The following MRPS9 variants were observed in gnomAD, a reference collection of about 807,000 sequenced individuals.
The protein encoded by MRPS9 is mitochondrial ribosomal protein S9, also known as small ribosomal subunit protein uS9m.
A neutral mutation model predicts 59.9 loss-of-function variants in MRPS9; 45 were observed. The observed-to-expected ratio is 0.75, with a 90% CI of 0.59 to 0.96. The LOEUF is 0.96. MRPS9 is among the 40% of genes least tolerant of loss of function. The pLI is 0.00. For missense variants in MRPS9, 473 were observed against 481.1 expected, an observed-to-expected ratio of 0.98 and a Z score of 0.16; for synonymous variants, 171 against 166.8, an observed-to-expected ratio of 1.03 and a Z score of -0.19.
At chr2:105,042,024 A>G (rs561874395) in intron 1 of MRPS9, among the ~76,000 whole-genome samples, 3 of 152,340 alleles carry the variant, frequency 2.0e-5, no homozygotes, top group South Asian at 4.1e-4. Context: ...ACAATGCTTC[A>G]TTGTAATTAG....
intron 4 of MRPS9, among the ~76,000 whole-genome samples, chr2:105,075,828 C>A (rs56222940): frequency 0.22 from 32,912 of 151,756 alleles, 3,629 homozygotes; most frequent in Middle Eastern, 0.35. Context: ...AAAAACACAA[C>A]CTAGAAATAA....
chr2:105,076,600 A>G (rs1680217048), intron 4 of MRPS9, among the ~76,000 whole-genome samples: 1 of 152,262 alleles, frequency 6.6e-6, no homozygotes, highest in African/African-American at 2.4e-5. Flanking sequence ...TCAAGACTTT[A>G]AAAATTATTG....
At chr2:105,049,076 T>C (rs12611937) in intron 1 of MRPS9, 95 bp from the exon 2 acceptor site, 179,755 of 839,352 alleles carry the variant, frequency 0.21, 21,011 homozygotes, top group Middle Eastern at 0.29. Context: ...TAAAAAAAGA[T>C]AACTACTTGC....
chr2:105,093,537 A>G lies in MRPS9; in HGVS notation c.828A>G (p.Arg276=), dbSNP rs1285308072. 1 of 1,581,054 alleles carries G rather than the reference A, an allele frequency of 6.3e-7. No individual in the cohort carries two copies. Among genetic ancestry groups the G allele is most frequent in the South Asian group, 1.2e-5 (1 of 85,746 alleles). ...AATTTTATATTTTTGAAGGTAAAAG[A>G]AAGACTGCAAAAGCAGAAGCAATTG... ...GMAFSKSEGK[R]KTAKAEAIVY... The change falls in exon 9 of 11, where the codon AGA becomes AGG. Residue 276 remains arginine, a synonymous_variant. Transcript: ENST00000258455.
chr2:105,074,087 G>GA (rs1274815688), intron 4 of MRPS9, among the ~76,000 whole-genome samples: 4 of 152,088 alleles, frequency 2.6e-5, no homozygotes, highest in Non-Finnish European at 5.9e-5. Context: ...GAGTTAAAGA[G>GA]AAAATCAAAA....
intron 2 of MRPS9, among the ~76,000 whole-genome samples, chr2:105,058,272 C>T (rs1235534149): frequency 6.6e-6 from 1 of 152,164 alleles, no homozygotes; most frequent in East Asian, 1.9e-4. Context: ...ATTAGTCTCA[C>T]TTGCTGGTAA....
At chr2:105,073,157 C>T (rs948855491) in intron 4 of MRPS9, among the ~76,000 whole-genome samples, 6 of 151,956 alleles carry the variant, frequency 3.9e-5, no homozygotes, top group East Asian at 1.9e-4. Context: ...AGGCTCCTCA[C>T]CTATTTCTCT....
chr2:105,058,712 G>A (rs1679839414), intron 2 of MRPS9, among the ~76,000 whole-genome samples: 1 of 120,602 alleles, frequency 8.3e-6, no homozygotes, highest in South Asian at 2.4e-4. Flanking sequence ...GTCTCTCTCT[G>A]TTGCCCAGGC....
At chr2:105,070,369 C>A (rs2104453987) in intron 2 of MRPS9, among the ~76,000 whole-genome samples, 1 of 152,218 alleles carries the variant, frequency 6.6e-6, no homozygotes, top group Non-Finnish European at 1.5e-5. Flanking sequence ...CCTAATATGA[C>A]TGAATTTATA....
rs567926778 is a variant in MRPS9, at chr2:105,039,928, C to T, written c.135+1701C>T. ...TGGCAAATGTTTACTGAGCACTTTA[C>T]CTGAGCCAGGCACTGTGAAGTAAAC... On this transcript the variant is annotated intron_variant, in intron 1 of 10. Transcript: ENST00000258455. 8.5e-5 allele frequency among the ~76,000 whole-genome samples: 13 copies of T among 152,274 alleles called. No homozygotes were observed. In the South Asian group the frequency reaches 2.7e-3, roughly 32 times the overall value.
chr2:105,059,049 G>A (rs60620081), intron 2 of MRPS9, among the ~76,000 whole-genome samples: 8,005 of 148,472 alleles, frequency 0.054, 387 homozygotes, highest in East Asian at 0.27. Flanking sequence ...AAAAAGCATG[G>A]TTTTTTGCTT....
intron 2 of MRPS9, among the ~76,000 whole-genome samples, chr2:105,059,208 A>G (rs780040226): frequency 2.0e-5 from 3 of 152,130 alleles, no homozygotes; most frequent in Non-Finnish European, 4.4e-5. Flanking sequence ...AGAATTGAAT[A>G]TGGGAAATTT....
intron 5 of MRPS9, among the ~76,000 whole-genome samples, chr2:105,080,619 T>G (rs1289252002): frequency 6.6e-6 from 1 of 152,220 alleles, no homozygotes; most frequent in African/African-American, 2.4e-5. Flanking sequence ...TATAAGTGTC[T>G]GATAGTGTGC....
At chr2:105,071,639 G>T in intron 4 of MRPS9, 150 bp downstream of exon 4, 1 of 694,716 alleles carries the variant, frequency 1.4e-6, no homozygotes, top group African/African-American at 1.8e-5. Context: ...AACAATGAAT[G>T]AGTGAAGTTT....
chr2:105,076,473 A>G (rs1680214734), intron 4 of MRPS9, among the ~76,000 whole-genome samples: 1 of 152,262 alleles, frequency 6.6e-6, no homozygotes, highest in South Asian at 2.1e-4. Flanking sequence ...ATACAAATAC[A>G]TACCTACATA....
In MRPS9 at chr2:105,052,063, C is replaced by T. The variant is rs141320273; in HGVS notation, c.315+2713C>T. Among the ~76,000 whole-genome samples, 533 of 151,872 alleles carry T rather than the reference C, an allele frequency of 3.5e-3. 13 individuals are homozygous for T. The highest frequency in any genetic ancestry group is 0.031 in the Admixed American group (467 of 15,214). On this transcript the variant is annotated intron_variant, in intron 2 of 10. Coordinates refer to ENST00000258455, the MANE Select transcript of MRPS9 (RefSeq NM_182640.3). Reference sequence around the variant, plus strand: ...TACAAGAATTAGTAGGATATTTCACCTGAAAATGGAAATAGTTTTACTTCA... The same window carrying T: ...TACAAGAATTAGTAGGATATTTCACTTGAAAATGGAAATAGTTTTACTTCA...
At chr2:105,087,999 C>G (rs989391067) in intron 5 of MRPS9, among the ~76,000 whole-genome samples, 1 of 151,808 alleles carries the variant, frequency 6.6e-6, no homozygotes, top group Non-Finnish European at 1.5e-5. Flanking sequence ...AGAAGTTGCC[C>G]CTGAAAACTT....
intron 1 of MRPS9, 167 bp downstream of exon 1, chr2:105,038,394 C>T: frequency 2.5e-6 from 2 of 800,806 alleles, no homozygotes; most frequent in Non-Finnish European, 3.8e-6. Context: ...TATTGGCGTG[C>T]AGTAGCCGCT....
intron 4 of MRPS9, 110 bp from the exon 5 acceptor site, chr2:105,079,873 A>AT (rs1391792559): frequency 3.0e-5 from 17 of 572,510 alleles, no homozygotes; most frequent in Admixed American, 6.3e-5. Flanking sequence ...ATTTTTTTGT[A>AT]TTTTTTATTA....
Sources: allele counts gnomAD v4.1 joint callset (sites outside exome capture counted in the v4.1 genomes callset), GRCh38; gene constraint gnomAD v4.1.1; transcripts MANE v1.5; gene names NCBI Gene and HGNC (gene_info 2026-07-23, HGNC 2026-07-21).